The following ANKS1B variants were observed in gnomAD, a reference collection of about 807,000 sequenced individuals.
ANKS1B encodes the protein ankyrin repeat and sterile alpha motif domain-containing protein 1B.
ANKS1B carries 36 observed loss-of-function variants against 148.3 expected under a neutral mutation model. The ratio of observed to expected loss-of-function variants is 0.24; its 90% CI spans 0.19 to 0.32. The LOEUF is 0.32. Among genes scored for constraint, ANKS1B ranks in the 10% least tolerant of loss-of-function variants. The pLI is 1.00. For synonymous variants in ANKS1B, 542 were observed against 560.8 expected (o/e 0.97, Z 0.47); for missense variants, 1,157 against 1,542.6 (o/e 0.75, Z 4.19).
At chr12:99,526,790 C>T (rs191109921) in intron 9 of ANKS1B, among the ~76,000 whole-genome samples, 3 of 152,250 alleles carry the variant, frequency 2.0e-5, no homozygotes, top group East Asian at 1.9e-4. Context: ...TAAACTATGT[C>T]CTCCCAAAAT....
intron 1 of ANKS1B, among the ~76,000 whole-genome samples, chr12:99,858,461 T>C (rs1020521300): frequency 2.6e-5 from 4 of 152,138 alleles, no homozygotes; most frequent in Non-Finnish European, 5.9e-5. Context: ...TGGAAAACAG[T>C]ATGGAGATTC....
intron 9 of ANKS1B, among the ~76,000 whole-genome samples, chr12:99,586,059 T>C (rs75344983): frequency 0.019 from 2,869 of 152,314 alleles, 83 homozygotes; most frequent in South Asian, 0.075. Flanking sequence ...AATGAATTTT[T>C]CCCTTCTATT....
intron 12 of ANKS1B, among the ~76,000 whole-genome samples, chr12:99,323,684 T>C (rs1015591332): frequency 1.3e-5 from 2 of 152,224 alleles, no homozygotes; most frequent in African/African-American, 4.8e-5. Context: ...TGGCTTGTTA[T>C]TGAAACTAAG....
intron 12 of ANKS1B, among the ~76,000 whole-genome samples, chr12:99,313,480 G>A (rs906527281): frequency 4.0e-5 from 6 of 151,746 alleles, no homozygotes; most frequent in Admixed American, 6.6e-5. Context: ...AAAACTTCAG[G>A]CCAACATCCC....
intron 25 of ANKS1B, among the ~76,000 whole-genome samples, chr12:98,758,004 T>A (rs2098300806): frequency 6.6e-6 from 1 of 152,048 alleles, no homozygotes; most frequent in South Asian, 2.1e-4. Flanking sequence ...AACAGCATAC[T>A]CTGAGCCTTG....
chr12:99,171,677 A>T (rs2077771734), intron 14 of ANKS1B, among the ~76,000 whole-genome samples: 1 of 152,212 alleles, frequency 6.6e-6, no homozygotes, highest in Non-Finnish European at 1.5e-5. Context: ...TTTAAGCCTA[A>T]AATGCTAAAA....
chr12:99,325,736 G>A (rs1011357120), intron 12 of ANKS1B, among the ~76,000 whole-genome samples: 1 of 152,106 alleles, frequency 6.6e-6, no homozygotes, highest in East Asian at 1.9e-4. Flanking sequence ...AATAGGAGAT[G>A]GAGCATGGTT....
chr12:99,972,677 G>A (rs1389862017), intron 1 of ANKS1B, among the ~76,000 whole-genome samples: 2 of 152,228 alleles, frequency 1.3e-5, no homozygotes, highest in Non-Finnish European at 2.9e-5. Flanking sequence ...TGCAGAAGCT[G>A]CAGCAAGTTA....
At chr12:99,315,108 T>C (rs1408524766) in intron 12 of ANKS1B, among the ~76,000 whole-genome samples, 1 of 151,784 alleles carries the variant, frequency 6.6e-6, no homozygotes, top group Non-Finnish European at 1.5e-5. Context: ...CTGGGCGTGG[T>C]GGTGCATGCC....
chr12:98,825,150 G>C (rs141837675), intron 19 of ANKS1B, among the ~76,000 whole-genome samples: 1 of 152,148 alleles, frequency 6.6e-6, no homozygotes, highest in East Asian at 1.9e-4. Flanking sequence ...TGTGCACATA[G>C]GCTCTTGTGA....
At chr12:99,378,668 A>AAAAAAAG in intron 12 of ANKS1B, among the ~76,000 whole-genome samples, 1 of 146,200 alleles carries the variant, frequency 6.8e-6, no homozygotes, top group Non-Finnish European at 1.5e-5. Flanking sequence ...AAAAAAAAAA[A>AAAAAAAG]AAAAAGAAAA....
chr12:99,501,172 T>C (rs1341585809), intron 10 of ANKS1B, among the ~76,000 whole-genome samples: 2 of 152,202 alleles, frequency 1.3e-5, no homozygotes, highest in African/African-American at 4.8e-5. Flanking sequence ...ACTTTTTCTT[T>C]ATAATGGCAC....
intron 8 of ANKS1B, chr12:99,772,648 CACA>C (rs767613785): frequency 1.5e-3 from 376 of 243,378 alleles, no homozygotes; most frequent in East Asian, 2.8e-3. Flanking sequence ...ACTAAAGGAA[CACA>C]ACAACAACAA....
chr12:99,605,922 T>A (rs2097848154), intron 9 of ANKS1B, among the ~76,000 whole-genome samples: 1 of 152,116 alleles, frequency 6.6e-6, no homozygotes, highest in Non-Finnish European at 1.5e-5. Context: ...CCAATTTCCC[T>A]AGTGGTTGTG....
At chr12:99,157,566 G>A (rs1374292114) in intron 14 of ANKS1B, among the ~76,000 whole-genome samples, 1 of 152,128 alleles carries the variant, frequency 6.6e-6, no homozygotes, top group Non-Finnish European at 1.5e-5. Context: ...TCATTTCTTA[G>A]TACAGAGAGA....
chr12:98,781,004 G>A (rs1308287915), intron 24 of ANKS1B, 113 bp downstream of exon 24: 2 of 650,186 alleles, frequency 3.1e-6, no homozygotes, highest in Non-Finnish European at 2.6e-6. Context: ...GAAGGTTGGG[G>A]GAAAGGGATG....
At chr12:99,802,578 A>G (rs539833574) in intron 4 of ANKS1B, among the ~76,000 whole-genome samples, 2 of 152,302 alleles carry the variant, frequency 1.3e-5, no homozygotes, top group South Asian at 4.1e-4. Flanking sequence ...GATGCAGAAA[A>G]TAAACTTCTA....
intron 12 of ANKS1B, among the ~76,000 whole-genome samples, chr12:99,366,961 A>T (rs2092801780): frequency 6.6e-6 from 1 of 152,204 alleles, no homozygotes; most frequent in African/African-American, 2.4e-5. Flanking sequence ...CAGTGTTTCT[A>T]AAGCTCAGCA....
chr12:99,415,550 C>G (rs1051482130), intron 11 of ANKS1B, among the ~76,000 whole-genome samples: 1 of 152,026 alleles, frequency 6.6e-6, no homozygotes, highest in African/African-American at 2.4e-5. Context: ...ATTCATATGC[C>G]ATTGTGAGAA....
Sources: allele counts gnomAD v4.1 joint callset (sites outside exome capture counted in the v4.1 genomes callset), GRCh38; gene constraint gnomAD v4.1.1; transcripts MANE v1.5; gene names NCBI Gene and HGNC (gene_info 2026-07-23, HGNC 2026-07-21).